SLC4A8: variants seen among roughly 807,000 people sequenced by gnomAD.
SLC4A8 encodes the protein solute carrier family 4 member 8.
Under a neutral mutation model 125.0 loss-of-function variants are expected in SLC4A8, and 40 were observed. That is an observed-to-expected ratio of 0.32 (90% confidence interval 0.25 to 0.42). The LOEUF (loss-of-function observed/expected upper bound fraction) is 0.42. Ranked by LOEUF, SLC4A8 falls within the 10% of genes least tolerant of loss-of-function variation. SLC4A8 has a pLI of 1.00. For missense variants in SLC4A8, 863 were observed against 1,355.1 expected (o/e 0.64, Z 5.70); for synonymous variants, 456 against 476.0 (o/e 0.96, Z 0.55).
At chr12:51,431,558 C>T (rs1347973694) in intron 1 of SLC4A8, among the ~76,000 whole-genome samples, 1 of 151,990 alleles carries the variant, frequency 6.6e-6, no homozygotes, top group Non-Finnish European at 1.5e-5. Flanking sequence ...GAGCTCATGG[C>T]CACTGAGAAG....
intron 16 of SLC4A8, among the ~76,000 whole-genome samples, chr12:51,482,117 A>G (rs907474505): frequency 1.3e-5 from 2 of 152,218 alleles, no homozygotes; most frequent in East Asian, 1.9e-4. Flanking sequence ...CAATAGCTAC[A>G]TGTGGCAAAT....
At chr12:51,392,281 T>G (rs1430545770) in intron 1 of SLC4A8, 1 of 152,146 alleles carries the variant, frequency 6.6e-6, no homozygotes, top group East Asian at 1.9e-4. Context: ...TGAGAACTTA[T>G]TAGAAATTTT....
At chr12:51,465,726 C>T (rs940360308) in intron 11 of SLC4A8, among the ~76,000 whole-genome samples, 2 of 152,160 alleles carry the variant, frequency 1.3e-5, no homozygotes, top group African/African-American at 4.8e-5. Context: ...TAGTAAAGGG[C>T]CTCAAGCCAT....
upstream of SLC4A8, among the ~76,000 whole-genome samples, chr12:51,424,078 A>C (rs1345502087): frequency 1.5e-5 from 2 of 129,116 alleles, no homozygotes; most frequent in African/African-American, 2.7e-5. Flanking sequence ...AAAAAAAAAC[A>C]AAAAAAACCC....
intron 1 of SLC4A8, among the ~76,000 whole-genome samples, chr12:51,418,394 C>T (rs532954119): frequency 1.4e-4 from 21 of 152,210 alleles, no homozygotes; most frequent in Admixed American, 8.5e-4. Flanking sequence ...GGACAAGTTC[C>T]GGAGAGACCC....
intron 16 of SLC4A8, among the ~76,000 whole-genome samples, chr12:51,485,114 A>G (rs1951128724): frequency 1.3e-5 from 2 of 152,174 alleles, no homozygotes; most frequent in African/African-American, 2.4e-5. Flanking sequence ...AGATGTGATG[A>G]TGCCAATTGT....
chr12:51,402,549 C>G (rs1948411857), intron 1 of SLC4A8, among the ~76,000 whole-genome samples: 1 of 152,076 alleles, frequency 6.6e-6, no homozygotes, highest in Non-Finnish European at 1.5e-5. Context: ...TGGTGAAACC[C>G]CGTCCCTACT....
intron 9 of SLC4A8, 197 bp downstream of exon 9, chr12:51,461,488 C>T (rs1950322600): frequency 2.2e-6 from 1 of 449,632 alleles, no homozygotes; most frequent in Non-Finnish European, 4.0e-6. Flanking sequence ...TATGTTATCT[C>T]TCCTTTTTTG....
At chr12:51,500,227 A>T (rs1937790358) in intron 22 of SLC4A8, among the ~76,000 whole-genome samples, 1 of 152,202 alleles carries the variant, frequency 6.6e-6, no homozygotes, top group Non-Finnish European at 1.5e-5. Context: ...GGTAGACATT[A>T]TATTCCTTAT....
intron 1 of SLC4A8, among the ~76,000 whole-genome samples, chr12:51,410,606 C>T (rs866257287): frequency 2.6e-5 from 4 of 151,934 alleles, no homozygotes; most frequent in African/African-American, 4.8e-5. Flanking sequence ...TACAGGTATG[C>T]GCCACCAGGC....
chr12:51,440,221 A>G (rs1232659587), intron 1 of SLC4A8, among the ~76,000 whole-genome samples: 3 of 152,132 alleles, frequency 2.0e-5, no homozygotes, highest in Non-Finnish European at 2.9e-5. Context: ...ATACAGAGGT[A>G]TAGATGGAGT....
In SLC4A8 at chr12:51,469,642, A is replaced by G. The variant is rs1459128080; in HGVS notation, c.1378A>G (p.Lys460Glu). The change falls in exon 12 of 25, where the codon AAG becomes GAG. Residue 460 changes from lysine to glutamate, a missense_variant. By Grantham distance (56) the Lys-to-Glu change is moderately conservative. Around this residue, in one of 6 missense-constraint regions of SLC4A8, gnomAD observed 390 missense variants for 634.4 expected, o/e 0.61. Transcript: ENST00000453097. ...RLFGGLVLDIKRKAPWYWSDY... is the reference protein window; with the variant it reads ...RLFGGLVLDIERKAPWYWSDY... ...ATTTGGGGGCTTGGTGCTGGACATC[A>G]AGCGGAAGGCCCCCTGGTACTGGAG... 1 of 1,613,576 alleles carries G rather than the reference A, an allele frequency of 6.2e-7. No homozygotes were observed. The highest frequency in any genetic ancestry group is 1.1e-5 in the South Asian group (1 of 91,050).
At chr12:51,505,544 A>C (rs1194796410) in intron 23 of SLC4A8, among the ~76,000 whole-genome samples, 1 of 152,236 alleles carries the variant, frequency 6.6e-6, no homozygotes, top group Non-Finnish European at 1.5e-5. Context: ...TGTCAGCAGC[A>C]TCTCCAGTGA....
chr12:51,502,831 C>T (rs1422817797), intron 22 of SLC4A8, among the ~76,000 whole-genome samples: 6 of 148,842 alleles, frequency 4.0e-5, no homozygotes, highest in African/African-American at 7.5e-5. Flanking sequence ...CCACCACGCC[C>T]GACTAATTTT....
intron 10 of SLC4A8, among the ~76,000 whole-genome samples, chr12:51,463,373 G>A (rs1358234802): frequency 3.3e-5 from 5 of 151,784 alleles, no homozygotes; most frequent in African/African-American, 4.8e-5. Flanking sequence ...GGCTTAGTTA[G>A]GAGTCAGGTA....
At chr12:51,399,896 C>T (rs567769947) in intron 1 of SLC4A8, among the ~76,000 whole-genome samples, 53 of 151,650 alleles carry the variant, frequency 3.5e-4, no homozygotes, top group Non-Finnish European at 7.4e-4. Flanking sequence ...GCAGGGGAAT[C>T]GCTTGAACCT....
chr12:51,432,966 G>A (rs143596845), intron 1 of SLC4A8, among the ~76,000 whole-genome samples: 179 of 152,212 alleles, frequency 1.2e-3, no homozygotes, highest in Middle Eastern at 0.01. Flanking sequence ...ATTCATTTGG[G>A]CAGGTCCACC....
At chr12:51,441,433 C>G (rs1392628125) in intron 2 of SLC4A8, among the ~76,000 whole-genome samples, 1 of 152,166 alleles carries the variant, frequency 6.6e-6, no homozygotes, top group Non-Finnish European at 1.5e-5. Flanking sequence ...GCACCTCACC[C>G]CCAGCTCCCC....
rs552549699 is a variant in SLC4A8, at chr12:51,486,576, G to C, written c.2286+676G>C. Among the ~76,000 whole-genome samples, 10 of 152,340 alleles carry C rather than the reference G, an allele frequency of 6.6e-5. No individual in the cohort carries two copies. In the East Asian group the frequency reaches 1.9e-3, roughly 29 times the overall value. On this transcript the variant is annotated intron_variant, in intron 17 of 24. Coordinates refer to ENST00000453097, the MANE Select transcript of SLC4A8 (RefSeq NM_001039960.3). ...TCAGTTTGGGAGCACTGACTAAGTA[G>C]ACAAAGAAGATAGAAAAGCTGAGCT...
Sources: gnomAD v4.1 joint callset for allele counts (sites outside exome capture counted in the v4.1 genomes callset) on GRCh38, gnomAD v4.1.1 for gene constraint, gnomAD v4.1.1 regional missense constraint, MANE v1.5 for transcripts, NCBI Gene and HGNC (gene_info 2026-07-23, HGNC 2026-07-21) for gene names.